CSMD1: variants seen among roughly 807,000 people sequenced by gnomAD.
CSMD1 encodes the protein CUB and sushi domain-containing protein 1.
A neutral mutation model predicts 417.5 loss-of-function variants in CSMD1; 213 were observed. The observed-to-expected ratio is 0.51, with a 90% confidence interval of 0.46 to 0.57. The LOEUF (loss-of-function observed/expected upper bound fraction) is 0.57. Among genes scored for constraint, CSMD1 ranks in the 20% least tolerant of loss-of-function variants. The pLI is 0.00. For synonymous variants in CSMD1, 2,862 were observed against 1,736.8 expected, an observed-to-expected ratio of 1.65 and a Z score of -16.11; for missense variants, 6,923 against 4,529.7, an observed-to-expected ratio of 1.53 and a Z score of -15.17.
At chr8:4,276,557 G>C (rs1166772387) in intron 3 of CSMD1, among the ~76,000 whole-genome samples, 1 of 152,016 alleles carries the variant, frequency 6.6e-6, no homozygotes, top group African/African-American at 2.4e-5. Flanking sequence ...AAACCTGCAC[G>C]TTCTGCACAT....
At chr8:4,024,300 C>A (rs1796948474) in intron 4 of CSMD1, among the ~76,000 whole-genome samples, 1 of 152,072 alleles carries the variant, frequency 6.6e-6, no homozygotes, top group African/African-American at 2.4e-5. Flanking sequence ...ATAATGTAAA[C>A]AAATTACATA....
chr8:3,047,310 G>T (rs1465175026), intron 50 of CSMD1, among the ~76,000 whole-genome samples: 1 of 151,460 alleles, frequency 6.6e-6, no homozygotes, highest in African/African-American at 2.4e-5. Flanking sequence ...GTAGAAATTG[G>T]TCCCAGACGA....
At chr8:4,514,991 C>T (rs1803038346) in intron 2 of CSMD1, among the ~76,000 whole-genome samples, 1 of 152,202 alleles carries the variant, frequency 6.6e-6, no homozygotes, top group South Asian at 2.1e-4. Flanking sequence ...AAATGATTTA[C>T]ATTTTATTTC....
At chr8:4,131,240 C>T (rs186551821) in intron 3 of CSMD1, among the ~76,000 whole-genome samples, 26 of 152,210 alleles carry the variant, frequency 1.7e-4, no homozygotes, top group Admixed American at 4.6e-4. Context: ...TGTGGTGTGG[C>T]TGAGTACAGA....
chr8:3,188,079 T>C (rs1050232842), intron 35 of CSMD1, 114 bp from the exon 36 acceptor site: 4 of 336,738 alleles, frequency 1.2e-5, no homozygotes, highest in Non-Finnish European at 2.2e-5. Context: ...TATATATACA[T>C]ATGTATATGT....
At chr8:4,765,342 A>G (rs926467629) in intron 1 of CSMD1, among the ~76,000 whole-genome samples, 1 of 152,182 alleles carries the variant, frequency 6.6e-6, no homozygotes, top group Non-Finnish European at 1.5e-5. Context: ...TTTTCACTTC[A>G]TTGTTCTCCA....
At chr8:4,040,377 A>T (rs968611664) in intron 3 of CSMD1, among the ~76,000 whole-genome samples, 24 of 152,344 alleles carry the variant, frequency 1.6e-4, no homozygotes, top group African/African-American at 5.8e-4. Flanking sequence ...ACAAACACAC[A>T]AACAAAAACA....
intron 10 of CSMD1, among the ~76,000 whole-genome samples, chr8:3,545,057 C>T (rs1005824102): frequency 6.6e-6 from 1 of 152,010 alleles, no homozygotes; most frequent in Non-Finnish European, 1.5e-5. Context: ...ATGGTATTTC[C>T]TGAATACAAA....
chr8:3,994,202 T>C (rs1394216422), intron 5 of CSMD1, among the ~76,000 whole-genome samples: 3 of 152,112 alleles, frequency 2.0e-5, no homozygotes, highest in African/African-American at 4.8e-5. Context: ...ACCTTCTCTA[T>C]CCTCTACACA....
At position 2,974,461 on chromosome 8, in the gene CSMD1, G is replaced by C. The variant is rs61743149; in HGVS notation, c.8730C>G (p.Pro2910=). 1.7e-3 allele frequency: 2,662 copies of C among 1,605,782 alleles called. 38 individuals carry two copies. The African/African-American group carries it at 0.03, about 18-fold the overall frequency. ...QEDSHWSGAL[P]HCTGNNPGFC... is the part of the protein sequence containing the mutation. ...TCGTAAGCCCCTCACCTGTGCAGTG[G>C]GGCAGTGCCCCGCTCCAGTGACTGT... Residue 2910 remains proline, a synonymous_variant, in exon 56 of 70, where the codon CCC becomes CCG. Transcript: ENST00000635120.
chr8:3,815,923 A>G (rs1801344216), intron 5 of CSMD1, among the ~76,000 whole-genome samples: 1 of 152,224 alleles, frequency 6.6e-6, no homozygotes, highest in African/African-American at 2.4e-5. Flanking sequence ...GAGGAAAAAG[A>G]ACAAATAATT....
chr8:4,598,002 A>G (rs1267597512), intron 2 of CSMD1, among the ~76,000 whole-genome samples: 2 of 151,554 alleles, frequency 1.3e-5, no homozygotes, highest in Non-Finnish European at 2.9e-5. Flanking sequence ...AATTATATAT[A>G]AAATAGATAT....
intron 1 of CSMD1, among the ~76,000 whole-genome samples, chr8:4,864,905 C>CAT (rs1014590698): frequency 7.4e-5 from 9 of 122,076 alleles, no homozygotes; most frequent in African/African-American, 2.3e-4. Context: ...CAAACACACA[C>CAT]ACACACACTT....
At position 4,171,562 on chromosome 8, in the gene CSMD1, G is replaced by A. The variant is rs181092214; in HGVS notation, c.416-139463C>T. ...CAAATGTACAATAACTACTGGATATGGAGTGATACGTTGCCAAATACTACA... is the reference window on the plus strand; with the variant it reads ...CAAATGTACAATAACTACTGGATATAGAGTGATACGTTGCCAAATACTACA... On this transcript the variant is annotated intron_variant, in intron 3 of 69. Transcript: ENST00000635120. Among the ~76,000 whole-genome samples, 65 of 151,768 alleles carry A rather than the reference G, an allele frequency of 4.3e-4. 2 individuals are homozygous for A. Among genetic ancestry groups the A allele is most frequent in the African/African-American group, 1.5e-3 (61 of 41,100 alleles).
intron 3 of CSMD1, among the ~76,000 whole-genome samples, chr8:4,173,050 C>G (rs533024789): frequency 6.6e-6 from 1 of 152,216 alleles, no homozygotes; most frequent in East Asian, 1.9e-4. Context: ...CAAGAAATTT[C>G]CTGCCCAGCA....
rs918139386 is a variant in CSMD1 at position 4,379,956 on chromosome 8, C to T, written c.415+39997G>A. On this transcript the variant is annotated intron_variant, in intron 3 of 69. Transcript: ENST00000635120. Reference sequence around the variant, plus strand: ...GCATACACTCTGGAGATGGAAGAGTCGCCACTTTGTAGAAAACACATGGAA... The same window carrying T: ...GCATACACTCTGGAGATGGAAGAGTTGCCACTTTGTAGAAAACACATGGAA... Among the ~76,000 whole-genome samples, 18 of 152,160 alleles carry T rather than the reference C, an allele frequency of 1.2e-4. No individual in the cohort carries two copies. The East Asian group carries it at 2.3e-3, about 20-fold the overall frequency.
At chr8:3,399,080 C>G (rs1024475532) in intron 16 of CSMD1, among the ~76,000 whole-genome samples, 2 of 152,080 alleles carry the variant, frequency 1.3e-5, no homozygotes, top group African/African-American at 4.8e-5. Context: ...CATGTGCAAT[C>G]AGACATCAAG....
chr8:4,283,816 A>G (rs1002101549), intron 3 of CSMD1, among the ~76,000 whole-genome samples: 4 of 152,220 alleles, frequency 2.6e-5, no homozygotes, highest in African/African-American at 9.6e-5. Flanking sequence ...ACCCACCTAT[A>G]AAATCCTACT....
At chr8:4,725,983 T>C (rs1809410708) in intron 1 of CSMD1, among the ~76,000 whole-genome samples, 1 of 152,198 alleles carries the variant, frequency 6.6e-6, no homozygotes, top group African/African-American at 2.4e-5. Context: ...AGTGGAATTT[T>C]GGTATCACGA....
Sources: gnomAD v4.1 joint callset for allele counts (sites outside exome capture counted in the v4.1 genomes callset) on GRCh38, gnomAD v4.1.1 for gene constraint, MANE v1.5 for transcripts, NCBI Gene and HGNC (gene_info 2026-07-23, HGNC 2026-07-21) for gene names.